NRG3: variants seen among roughly 807,000 people sequenced by gnomAD.
NRG3 encodes the protein neuregulin 3, also known as pro-neuregulin-3, membrane-bound isoform.
In NRG3, 31 loss-of-function variants were observed where a neutral mutation model predicts 66.9. The ratio of observed to expected loss-of-function variants is 0.46; its 90% CI spans 0.35 to 0.63. The LOEUF (loss-of-function observed/expected upper bound fraction) is 0.63. Among genes scored for constraint, NRG3 ranks in the 20% least tolerant of loss-of-function variants. The probability of loss-of-function intolerance (pLI) is 0.00; values close to 1 mark genes in which losing one functional copy is unlikely to be tolerated. For missense variants in NRG3, 910 were observed against 878.9 expected (o/e 1.04, Z -0.45); for synonymous variants, 393 against 359.4 (o/e 1.09, Z -1.06).
intron 2 of NRG3, among the ~76,000 whole-genome samples, chr10:82,734,350 A>G (rs2134687556): frequency 6.6e-6 from 1 of 151,940 alleles, no homozygotes; most frequent in East Asian, 2.0e-4. Context: ...AGTGATGTCT[A>G]CCTTTGAAAC....
intron 2 of NRG3, among the ~76,000 whole-genome samples, chr10:82,516,143 T>A (rs1201854997): frequency 1.3e-5 from 2 of 149,882 alleles, no homozygotes; most frequent in Non-Finnish European, 1.5e-5. Flanking sequence ...TGGAACATTG[T>A]GTGTGTGTGT....
At chr10:82,564,647 C>T (rs1028359980) in intron 2 of NRG3, among the ~76,000 whole-genome samples, 1 of 152,080 alleles carries the variant, frequency 6.6e-6, no homozygotes, top group Non-Finnish European at 1.5e-5. Flanking sequence ...TATCTTGTTG[C>T]TCTTAAGATT....
Position 82,680,593 on chromosome 10 carries a change from C to G in NRG3, c.954-57984C>G, listed in dbSNP as rs143599766. 9.6e-3 allele frequency among the ~76,000 whole-genome samples: 1,460 copies of G among 152,264 alleles called. 22 individuals are homozygous for G. The highest frequency in any genetic ancestry group is 0.032 in the African/African-American group (1,337 of 41,542). On this transcript the variant is annotated intron_variant, in intron 2 of 8. Coordinates refer to ENST00000372141, the MANE Select transcript of NRG3 (RefSeq NM_001010848.4). Reference sequence around the variant, plus strand: ...ATGATTTTAATCTTTATTCTCTGGACTTTTCCAGGAAGGACCAAGATTTCC... The same window carrying G: ...ATGATTTTAATCTTTATTCTCTGGAGTTTTCCAGGAAGGACCAAGATTTCC...
intron 2 of NRG3, among the ~76,000 whole-genome samples, chr10:82,681,052 T>A (rs956641027): frequency 6.6e-6 from 1 of 152,220 alleles, no homozygotes; most frequent in Non-Finnish European, 1.5e-5. Context: ...TTACAGGATT[T>A]TATGTCAAAG....
intron 2 of NRG3, among the ~76,000 whole-genome samples, chr10:82,520,796 A>G (rs1327758888): frequency 6.6e-6 from 1 of 152,170 alleles, no homozygotes; most frequent in East Asian, 1.9e-4. Flanking sequence ...TTTTTCCCCT[A>G]ATTAATTCTT....
chr10:82,366,830 A>T (rs2084560087), intron 2 of NRG3, among the ~76,000 whole-genome samples: 1 of 152,202 alleles, frequency 6.6e-6, no homozygotes, highest in Admixed American at 6.5e-5. Flanking sequence ...GTTTTCTGAA[A>T]GTTTAGCTAT....
At chr10:82,063,457 T>A (rs2064272828) in intron 1 of NRG3, among the ~76,000 whole-genome samples, 1 of 152,060 alleles carries the variant, frequency 6.6e-6, no homozygotes, top group Admixed American at 6.5e-5. Context: ...AAACAATTTC[T>A]GCTGCTCTAT....
At chr10:81,920,489 A>G (rs567645478) in intron 1 of NRG3, among the ~76,000 whole-genome samples, 1 of 152,064 alleles carries the variant, frequency 6.6e-6, no homozygotes, top group Non-Finnish European at 1.5e-5. Flanking sequence ...AAGCATGACT[A>G]TCCATGTCTA....
At chr10:82,455,716 G>T (rs1409151355) in intron 2 of NRG3, among the ~76,000 whole-genome samples, 6 of 151,230 alleles carry the variant, frequency 4.0e-5, no homozygotes, top group Non-Finnish European at 5.9e-5. Context: ...CCGGGTTCAC[G>T]CCATTCTCCT....
chr10:82,435,526 G>T (rs1026052423), intron 2 of NRG3, among the ~76,000 whole-genome samples: 3 of 151,544 alleles, frequency 2.0e-5, no homozygotes, highest in African/African-American at 7.3e-5. Flanking sequence ...CTAGATTTTT[G>T]AATTCTGATG....
At chr10:82,197,253 A>G (rs901730384) in intron 1 of NRG3, among the ~76,000 whole-genome samples, 68 of 152,298 alleles carry the variant, frequency 4.5e-4, no homozygotes, top group African/African-American at 1.6e-3. Context: ...TTTAAAGGAA[A>G]TCTGCTCTTT....
At chr10:82,716,971 C>CG (rs2057009028) in intron 2 of NRG3, among the ~76,000 whole-genome samples, 1 of 152,098 alleles carries the variant, frequency 6.6e-6, no homozygotes, top group South Asian at 2.1e-4. Flanking sequence ...TCTATTTAAT[C>CG]AGTGAAAATA....
At chr10:82,566,360 G>T (rs2045403115) in intron 2 of NRG3, among the ~76,000 whole-genome samples, 1 of 151,838 alleles carries the variant, frequency 6.6e-6, no homozygotes, top group South Asian at 2.1e-4. Context: ...CAGAATCGAA[G>T]AAAAATGCTT....
chr10:82,138,117 T>A (rs538102329), intron 1 of NRG3, among the ~76,000 whole-genome samples: 1 of 152,276 alleles, frequency 6.6e-6, no homozygotes, highest in South Asian at 2.1e-4. Context: ...AAATCCTGTT[T>A]ATCTATGATT....
At chr10:82,497,864 A>G (rs2132311449) in intron 2 of NRG3, among the ~76,000 whole-genome samples, 1 of 152,288 alleles carries the variant, frequency 6.6e-6, no homozygotes, top group South Asian at 2.1e-4. Context: ...CCAACGATAG[A>G]CAAGGGTTCC....
chr10:82,876,161 T>C (rs563104723), intron 4 of NRG3, among the ~76,000 whole-genome samples: 11 of 152,228 alleles, frequency 7.2e-5, no homozygotes, highest in Admixed American at 1.3e-4. Context: ...TGCTGTTCAC[T>C]GAAGAATAAC....
chr10:82,328,704 T>C (rs2081990850), intron 1 of NRG3, among the ~76,000 whole-genome samples: 1 of 152,208 alleles, frequency 6.6e-6, no homozygotes, highest in Non-Finnish European at 1.5e-5. Flanking sequence ...TCATCTCTTA[T>C]TCTCACAGAA....
chr10:81,928,167 G>A (rs889642268), intron 1 of NRG3, among the ~76,000 whole-genome samples: 1 of 152,122 alleles, frequency 6.6e-6, no homozygotes, highest in African/African-American at 2.4e-5. Flanking sequence ...TTTATCTGCT[G>A]GTTATTTTTA....
At chr10:82,882,920 G>A (rs1206053747) in intron 4 of NRG3, among the ~76,000 whole-genome samples, 3 of 152,186 alleles carry the variant, frequency 2.0e-5, no homozygotes, top group African/African-American at 7.2e-5. Flanking sequence ...TTAGCTGCCA[G>A]TGGATACCTC....
Sources: gnomAD v4.1 joint callset for allele counts (sites outside exome capture counted in the v4.1 genomes callset) on GRCh38, gnomAD v4.1.1 for gene constraint, MANE v1.5 for transcripts, NCBI Gene and HGNC (gene_info 2026-07-23, HGNC 2026-07-21) for gene names.